The following CYP7B1 variants were observed in gnomAD, a reference collection of about 807,000 sequenced individuals.
CYP7B1 encodes the protein cytochrome P450 7B1.
A neutral mutation model predicts 42.7 loss-of-function variants in CYP7B1; 29 were observed. The ratio of observed to expected loss-of-function variants is 0.68; its 90% CI spans 0.51 to 0.93. CYP7B1 has a LOEUF of 0.93. Among genes scored for constraint, CYP7B1 ranks in the 40% least tolerant of loss-of-function variants. CYP7B1 has a pLI of 0.00. For synonymous variants in CYP7B1, 235 were observed against 218.2 expected (o/e 1.08, Z -0.68); for missense variants, 655 against 600.5 (o/e 1.09, Z -0.95).
chr8:64,640,060 T>G (rs1367327023), intron 1 of CYP7B1, among the ~76,000 whole-genome samples: 1 of 152,152 alleles, frequency 6.6e-6, no homozygotes, highest in Non-Finnish European at 1.5e-5. Flanking sequence ...ACCAGACACC[T>G]GATTCCATTT....
In CYP7B1 at chr8:64,766,674, T is replaced by A. The variant is rs1171657897; in HGVS notation, c.122+31792A>T. On this transcript the variant is annotated intron_variant, in intron 1 of 5. Coordinates refer to ENST00000310193, the MANE Select transcript of CYP7B1 (RefSeq NM_004820.5). ...TTAAAAAAGATTGTCCGAATAGAAA[T>A]AAGCCACCCCCTCGTCCTTGCCCCT... 2.0e-5 allele frequency among the ~76,000 whole-genome samples: 3 copies of A among 152,174 alleles called. No homozygotes were observed. In the East Asian group the frequency reaches 5.8e-4, roughly 29 times the overall value.
At chr8:64,771,926 A>G (rs1804240830) in intron 1 of CYP7B1, among the ~76,000 whole-genome samples, 1 of 152,248 alleles carries the variant, frequency 6.6e-6, no homozygotes, top group Admixed American at 6.5e-5. Flanking sequence ...CATCCTGTCC[A>G]GCAATCATAC....
chr8:64,642,048 G>A (rs1171843850), intron 1 of CYP7B1, among the ~76,000 whole-genome samples: 1 of 152,096 alleles, frequency 6.6e-6, no homozygotes, highest in East Asian at 1.9e-4. Flanking sequence ...GAACTACATG[G>A]TTCTTTGCAT....
chr8:64,637,870 T>C (rs1805796590), intron 1 of CYP7B1, among the ~76,000 whole-genome samples: 1 of 152,190 alleles, frequency 6.6e-6, no homozygotes, highest in Non-Finnish European at 1.5e-5. Flanking sequence ...ATTCTCAATA[T>C]GGTCAGACAT....
chr8:64,643,481 A>G (rs1264433072), intron 1 of CYP7B1, among the ~76,000 whole-genome samples: 1 of 152,212 alleles, frequency 6.6e-6, no homozygotes, highest in African/African-American at 2.4e-5. Context: ...TCTTTTTGCT[A>G]GAGGAGGGTC....
chr8:64,664,618 G>A (rs889992601), intron 1 of CYP7B1, among the ~76,000 whole-genome samples: 7 of 152,128 alleles, frequency 4.6e-5, no homozygotes, highest in African/African-American at 1.7e-4. Context: ...GATCTCTAAA[G>A]TCATTGCCCT....
At chr8:64,742,698 C>T (rs1807587805) in intron 1 of CYP7B1, among the ~76,000 whole-genome samples, 1 of 152,294 alleles carries the variant, frequency 6.6e-6, no homozygotes, top group Non-Finnish European at 1.5e-5. Flanking sequence ...TGTCTTCTCA[C>T]TGAGTCCTCA....
chr8:64,632,923 G>T (rs34304899), intron 1 of CYP7B1, among the ~76,000 whole-genome samples: 2 of 152,102 alleles, frequency 1.3e-5, no homozygotes, highest in East Asian at 3.9e-4. Flanking sequence ...AACTGCCATC[G>T]ACAGAAAGGA....
chr8:64,644,009 T>A (rs1805908164), intron 1 of CYP7B1, among the ~76,000 whole-genome samples: 2 of 152,290 alleles, frequency 1.3e-5, no homozygotes, highest in South Asian at 4.1e-4. Context: ...GCGCGGTGGC[T>A]CACGCCTGTA....
chr8:64,661,638 T>C (rs1806201218), intron 1 of CYP7B1, among the ~76,000 whole-genome samples: 1 of 152,212 alleles, frequency 6.6e-6, no homozygotes, highest in Non-Finnish European at 1.5e-5. Context: ...GGGACAGATC[T>C]GATACAGATT....
At chr8:64,608,720 G>A (rs940731612) in intron 4 of CYP7B1, among the ~76,000 whole-genome samples, 2 of 152,176 alleles carry the variant, frequency 1.3e-5, no homozygotes, top group Non-Finnish European at 2.9e-5. Context: ...AGCTCATGAT[G>A]TGTGCATGTG....
At chr8:64,763,076 C>T (rs942842446) in intron 1 of CYP7B1, among the ~76,000 whole-genome samples, 6 of 152,228 alleles carry the variant, frequency 3.9e-5, no homozygotes, top group Admixed American at 2.6e-4. Flanking sequence ...TTTCGCTGGC[C>T]GTCCACCACT....
At chr8:64,746,280 C>T (rs1230934082) in intron 1 of CYP7B1, among the ~76,000 whole-genome samples, 1 of 152,102 alleles carries the variant, frequency 6.6e-6, no homozygotes, top group Admixed American at 6.6e-5. Flanking sequence ...ATCTCCCAAG[C>T]TTCTGTTGTC....
At chr8:64,616,325 A>G (rs1462489148) in intron 2 of CYP7B1, 44 bp from the exon 3 acceptor site, 1 of 1,230,322 alleles carries the variant, frequency 8.1e-7, no homozygotes, top group Admixed American at 2.1e-5. Flanking sequence ...TCGTTTGTTA[A>G]TAAAACAGAA....
chr8:64,635,353 G>C (rs1203639120), intron 1 of CYP7B1, among the ~76,000 whole-genome samples: 1 of 152,166 alleles, frequency 6.6e-6, no homozygotes, highest in South Asian at 2.1e-4. Context: ...GACATCTGGT[G>C]TTCACACACC....
In CYP7B1 at chr8:64,798,737, C is replaced by G; in HGVS notation, c.-150G>C. Reference sequence around the variant, plus strand: ...CTGCCCGCAGCGCAGACAGGAATGTCACCGTGGTCTCCCAGGCTGAATGAC... The same window carrying G: ...CTGCCCGCAGCGCAGACAGGAATGTGACCGTGGTCTCCCAGGCTGAATGAC... On this transcript the variant is annotated 5_prime_UTR_variant, in exon 1 of 6. Coordinates refer to ENST00000310193, the MANE Select transcript of CYP7B1 (RefSeq NM_004820.5). 2.4e-6 allele frequency: 2 copies of G among 833,086 alleles called. No homozygotes were observed. Among genetic ancestry groups the G allele is most frequent in the South Asian group, 4.4e-5 (2 of 45,622 alleles). 51.6% of individuals were successfully genotyped at this position (833,086 alleles called of 1,614,324 possible). A position where few individuals can be genotyped will look rare whatever the true frequency, so the allele number is the denominator to read the frequency against.
chr8:64,707,971 T>G (rs1807024817), intron 1 of CYP7B1, among the ~76,000 whole-genome samples: 2 of 152,160 alleles, frequency 1.3e-5, no homozygotes, highest in Non-Finnish European at 1.5e-5. Flanking sequence ...AATCATATAA[T>G]TCTAATCCCC....
At chr8:64,604,178 C>T (rs1225818981) in intron 5 of CYP7B1, among the ~76,000 whole-genome samples, 2 of 152,094 alleles carry the variant, frequency 1.3e-5, no homozygotes, top group African/African-American at 4.8e-5. Flanking sequence ...GTTCATAATG[C>T]CATACTAATT....
intron 5 of CYP7B1, among the ~76,000 whole-genome samples, chr8:64,602,947 T>C (rs1040103038): frequency 5.3e-5 from 8 of 152,246 alleles, no homozygotes; most frequent in African/African-American, 1.9e-4. Flanking sequence ...ATTTTTTTTC[T>C]GTGCCAGGTA....
Sources: gnomAD v4.1 joint callset for allele counts (sites outside exome capture counted in the v4.1 genomes callset) on GRCh38, gnomAD v4.1.1 for gene constraint, MANE v1.5 for transcripts, NCBI Gene and HGNC (gene_info 2026-07-23, HGNC 2026-07-21) for gene names.